LTA4H: variants seen among roughly 807,000 people sequenced by gnomAD.
LTA4H encodes leukotriene A4 hydrolase, also known as leukotriene A-4 hydrolase.
A neutral mutation model predicts 89.8 loss-of-function variants in LTA4H; 59 were observed. The ratio of observed to expected loss-of-function variants is 0.66; its 90% CI spans 0.53 to 0.82. The LOEUF is 0.82. Ranked by LOEUF, LTA4H falls within the 40% of genes least tolerant of loss-of-function variation. The pLI is 0.00. For missense variants in LTA4H, 617 were observed against 727.0 expected, an observed-to-expected ratio of 0.85 and a Z score of 1.74; for synonymous variants, 227 against 253.1, an observed-to-expected ratio of 0.90 and a Z score of 0.98.
At chr12:96,023,708 T>C (rs973522018) in intron 4 of LTA4H, among the ~76,000 whole-genome samples, 1 of 152,114 alleles carries the variant, frequency 6.6e-6, no homozygotes, top group Non-Finnish European at 1.5e-5. Context: ...GTCCGCCTTT[T>C]CCAAAAAGGA....
chr12:96,039,008 A>G (rs1950669027), upstream of LTA4H, among the ~76,000 whole-genome samples: 1 of 151,964 alleles, frequency 6.6e-6, no homozygotes, highest in South Asian at 2.1e-4. Flanking sequence ...AAAATTTGCA[A>G]TTTACAAGCA....
In LTA4H at chr12:96,013,389, T is replaced by A. The variant is rs115630079; in HGVS notation, c.1309-131A>T. ...ATCAAGATAATTTCTAAATCTTTTT[T>A]AAAAATTAATATTTTAAATTGATAG... On this transcript the variant is annotated intron_variant, in intron 13 of 18. Coordinates refer to ENST00000228740, the MANE Select transcript of LTA4H (RefSeq NM_000895.3). 2.2e-3 allele frequency: 1,338 copies of A among 596,094 alleles called. 14 individuals carry two copies. Among genetic ancestry groups the A allele is most frequent in the African/African-American group, 0.022 (1,173 of 54,008 alleles). The allele number at this position is 596,094 out of a possible 1,614,324, so 36.9% of individuals were successfully genotyped here. A position where few individuals can be genotyped will look rare whatever the true frequency, so the allele number is the denominator to read the frequency against.
intron 1 of LTA4H, among the ~76,000 whole-genome samples, chr12:96,033,779 C>T (rs749445594): frequency 1.3e-5 from 2 of 152,150 alleles, no homozygotes; most frequent in Non-Finnish European, 2.9e-5. Flanking sequence ...CATTGTTCAA[C>T]TCTCACTTAT....
intron 12 of LTA4H, 45 bp from the exon 13 acceptor site, chr12:96,013,898 A>G (rs1950340585): frequency 1.1e-6 from 1 of 891,286 alleles, no homozygotes; most frequent in African/African-American, 1.7e-5. Flanking sequence ...AAAGGTAATT[A>G]TTTGACATTT....
chr12:96,043,424 C>T, exon 1 of LTA4H: 2 of 1,168,830 alleles, frequency 1.7e-6, no homozygotes, highest in East Asian at 2.6e-5. Context: ...AAATAAACTC[C>T]CAAGCCCATG....
At chr12:96,028,915 G>T in intron 2 of LTA4H, 140 bp downstream of exon 2, 1 of 591,158 alleles carries the variant, frequency 1.7e-6, no homozygotes, top group Non-Finnish European at 2.6e-6. Context: ...ACTTTAATCT[G>T]AACAGAAGAT....
At position 96,003,064 on chromosome 12, in the gene LTA4H, T is replaced by C; in HGVS notation, c.1614A>G (p.Arg538=). 1.3e-6 allele frequency: 2 copies of C among 1,588,418 alleles called. No homozygotes were observed. Among genetic ancestry groups the C allele is most frequent in the Non-Finnish European group, 1.7e-6 (2 of 1,165,156 alleles). The change falls in exon 18 of 19, where the codon AGA becomes AGG. Residue 538 remains arginine (R), a splice_region_variant and synonymous_variant. Transcript: ENST00000228740. ...NAINNSEIRF[R]WLRLCIQSKW... The stretch of plus-strand genomic sequence containing the variant: ...TGGATTGAATGCAGAGCCGCAGCCA[T>C]CTAAAAGGAGGATTTGGGGGGAGCA...
intron 16 of LTA4H, among the ~76,000 whole-genome samples, chr12:96,004,984 T>C (rs1950175505): frequency 6.6e-6 from 1 of 152,192 alleles, no homozygotes; most frequent in African/African-American, 2.4e-5. Flanking sequence ...GGGTCCTTTG[T>C]TGCGTCAAAA....
In LTA4H at chr12:96,035,514, G is replaced by A. The variant is rs1367970577; in HGVS notation, c.6C>T (p.Pro2=). 6.2e-7 allele frequency: 1 copy of A among 1,604,280 alleles called. No individual in the cohort carries two copies. Among genetic ancestry groups the A allele is most frequent in the Non-Finnish European group, 8.5e-7 (1 of 1,175,358 alleles). The change falls in exon 1 of 19, where the codon CCC becomes CCT. Residue 2 remains proline, a synonymous_variant. Transcript: ENST00000228740. ...CCAACGAACAGGTATCCACTATCTC[G>A]GGCATGGCTCTGGGGGATCACACAG... The part of the protein sequence containing the change: M[P]EIVDTCSLAS...
intron 17 of LTA4H, among the ~76,000 whole-genome samples, chr12:96,003,416 C>T (rs1411908592): frequency 6.6e-6 from 1 of 152,074 alleles, no homozygotes; most frequent in African/African-American, 2.4e-5. Context: ...TAGGTGCTCA[C>T]ATACCTTATA....
At chr12:96,038,755 A>G (rs1435814650), upstream of LTA4H, among the ~76,000 whole-genome samples, 1 of 148,986 alleles carries the variant, frequency 6.7e-6, no homozygotes, top group African/African-American at 2.5e-5. Flanking sequence ...GTCAAATAAT[A>G]CACAGTCAAA....
Position 96,003,125 on chromosome 12 carries a change from G to A in LTA4H, c.1614-61C>T, listed in dbSNP as rs979963613. On this transcript the variant is annotated intron_variant, in intron 17 of 18. Coordinates refer to ENST00000228740, the MANE Select transcript of LTA4H (RefSeq NM_000895.3). ...AATGAGGAAGGGGCAGGATATGACA[G>A]GTATATCTTAATATTACTTCTGTAG... The A allele has an allele frequency of 1.3e-5, 14 of 1,043,618 alleles. No homozygotes were observed. The Admixed American group carries it at 1.8e-4, about 13-fold the overall frequency. The allele number at this position is 1,043,618 out of a possible 1,614,324, so 64.6% of individuals were successfully genotyped here.
At chr12:96,042,855 A>G (rs1273864484) in intron 1 of LTA4H, among the ~76,000 whole-genome samples, 1 of 152,188 alleles carries the variant, frequency 6.6e-6, no homozygotes, top group Non-Finnish European at 1.5e-5. Context: ...ACTTTGGTCC[A>G]AGAACACTGG....
At chr12:96,024,592 A>T (rs370878996) in intron 3 of LTA4H, 45 bp from the exon 4 acceptor site, 2 of 1,194,994 alleles carry the variant, frequency 1.7e-6, no homozygotes, top group East Asian at 2.3e-5. Context: ...TATCTTTCGC[A>T]TAAGTCATTA....
chr12:96,019,669 G>A (rs1034064394), intron 6 of LTA4H, among the ~76,000 whole-genome samples: 15 of 140,812 alleles, frequency 1.1e-4, no homozygotes, highest in African/African-American at 3.3e-4. Flanking sequence ...TTGGCTCACT[G>A]CAAGCTCCAC....
chr12:96,042,399 C>CA (rs1950694523), intron 1 of LTA4H, among the ~76,000 whole-genome samples: 1 of 152,078 alleles, frequency 6.6e-6, no homozygotes, highest in Non-Finnish European at 1.5e-5. Context: ...AAAAGCCCAC[C>CA]AAGAGTTTTG....
At chr12:96,035,079 G>A (rs1266541284) in intron 1 of LTA4H, among the ~76,000 whole-genome samples, 1 of 152,244 alleles carries the variant, frequency 6.6e-6, no homozygotes, top group Non-Finnish European at 1.5e-5. Flanking sequence ...CAGGGACCTC[G>A]GAGAGAGGAT....
intron 1 of LTA4H, among the ~76,000 whole-genome samples, chr12:96,041,934 C>T (rs1158006189): frequency 1.3e-5 from 2 of 151,852 alleles, no homozygotes; most frequent in African/African-American, 4.8e-5. Context: ...AGCCACCGCG[C>T]CTGGCCATAA....
chr12:96,015,259 G>C, intron 11 of LTA4H: 1 of 477,318 alleles, frequency 2.1e-6, no homozygotes, highest in East Asian at 3.2e-5. Flanking sequence ...ATGATTTAAT[G>C]CCTGGTCAGC....
Sources: allele counts gnomAD v4.1 joint callset (sites outside exome capture counted in the v4.1 genomes callset), GRCh38; gene constraint gnomAD v4.1.1; transcripts MANE v1.5; gene names NCBI Gene and HGNC (gene_info 2026-07-23, HGNC 2026-07-21).